PABIR2: variants seen among roughly 807,000 people sequenced by gnomAD.
PABIR2 encodes the protein PABIR family member 2.
A neutral mutation model predicts 22.8 loss-of-function variants in PABIR2; 7 were observed. That is an observed-to-expected ratio of 0.31 (90% CI 0.17 to 0.58). The LOEUF (loss-of-function observed/expected upper bound fraction) is 0.58, where lower values mean the gene tolerates loss of function less well. Among genes scored for constraint, PABIR2 ranks in the 20% least tolerant of loss-of-function variants. The pLI, the probability that PABIR2 is intolerant of heterozygous loss-of-function variation, is 0.89. For missense variants in PABIR2, 155 were observed against 205.1 expected, an observed-to-expected ratio of 0.76 and a Z score of 1.49; for synonymous variants, 67 against 73.8, an observed-to-expected ratio of 0.91 and a Z score of 0.47.
rs1569431524 is a variant in PABIR2 at position 134,789,101 on chromosome X, T to A, written c.317A>T (p.Asp106Val). 8.3e-7 allele frequency: 1 copy of A among 1,211,985 alleles called. No homozygotes were observed. The highest frequency in any genetic ancestry group is 1.1e-6 in the Non-Finnish European group (1 of 895,563). Residue 106 changes from aspartate to valine, a missense_variant, in exon 5 of 10, where the codon GAT becomes GTT. By Grantham distance (152) the Asp-to-Val change is radical. Transcript: ENST00000343004. ...QTAMQISQSWDESLSLSDSDF... is the reference protein window; with the variant it reads ...QTAMQISQSWVESLSLSDSDF... ...AAACTTTACCAGGCTCAAGCTCTCA[T>A]CCCATGATTGGCTTATCTGCATTGC...
chrX:134,789,191 T>C, intron 4 of PABIR2, 32 bp downstream of exon 4: 1 of 1,212,113 alleles, frequency 8.3e-7, no homozygotes, highest in Non-Finnish European at 1.1e-6. Flanking sequence ...AGACACTTAT[T>C]AGGCTAGGCC....
Position 134,781,811 on chromosome X carries a change from AT to A in PABIR2, c.659+9del, listed in dbSNP as rs771524036. 1.7e-6 allele frequency: 2 copies of A among 1,163,233 alleles called. No individual in the cohort carries two copies. The highest frequency in any genetic ancestry group is 2.3e-6 in the Non-Finnish European group (2 of 864,719). On this transcript the variant is annotated intron_variant, in intron 9 of 9. Transcript: ENST00000343004. The stretch of plus-strand genomic sequence containing the variant: ...TCTAATATACTTTTCATTTTATTTC[AT>A]TTTTTTACCATGAACTGAGATCAGA...
In PABIR2 at chrX:134,796,321, G is replaced by A; in HGVS notation, c.-116C>T. ...TGGGGACTGGCAGCTGGGGGCGGGG[G>A]CTAAGGGGCGGAGGCTTGGGGACGG... On this transcript the variant is annotated 5_prime_UTR_variant, in exon 1 of 10. Transcript: ENST00000343004. The A allele has an allele frequency of 5.6e-6, 1 of 178,540 alleles. No homozygotes were observed. Among genetic ancestry groups the A allele is most frequent in the Admixed American group, 5.6e-5 (1 of 17,907 alleles). 14.7% of individuals were successfully genotyped at this position (178,540 alleles called of 1,213,427 possible).
Position 134,796,863 on chromosome X carries a change from G to A in PABIR2, c.-658C>T, listed in dbSNP as rs1409070308. 1.8e-5 allele frequency: 2 copies of A among 112,059 alleles called. No individual in the cohort carries two copies. Among genetic ancestry groups the A allele is most frequent in the Non-Finnish European group, 3.8e-5 (2 of 53,043 alleles). The allele number at this position is 112,059 out of a possible 1,213,427, so 9.2% of individuals were successfully genotyped here. A position where few individuals can be genotyped will look rare whatever the true frequency, so the allele number is the denominator to read the frequency against. On this transcript the variant is annotated 5_prime_UTR_variant, in exon 1 of 10. Transcript: ENST00000343004. ...CGCTAGCACCGAGGACCTGACAGTC[G>A]GGTAGGACCCGGCCGGGCGGCCTTG... is the stretch of plus-strand genomic sequence containing the variant.
At chrX:134,787,596 C>A in intron 6 of PABIR2, 63 bp from the exon 7 acceptor site, 12 of 739,519 alleles carry the variant, frequency 1.6e-5, no homozygotes, top group Non-Finnish European at 1.8e-5. Flanking sequence ...AGTTCTAGCA[C>A]TCCAGTTTTC....
intron 2 of PABIR2, chrX:134,791,536 T>C: frequency 3.5e-6 from 1 of 285,227 alleles, no homozygotes; most frequent in Admixed American, 4.2e-5. Flanking sequence ...CTGGAGAAGG[T>C]GGAAAGAAGA....
chrX:134,786,906 A>G (rs2079338348), intron 7 of PABIR2, among the ~76,000 whole-genome samples: 1 of 110,903 alleles, frequency 9.0e-6, no homozygotes, highest in Admixed American at 9.6e-5. Flanking sequence ...AGCTGAGATC[A>G]CACTACTGCA....
intron 9 of PABIR2, among the ~76,000 whole-genome samples, chrX:134,772,669 C>T (rs1278887776): frequency 9.0e-6 from 1 of 111,219 alleles, no homozygotes; most frequent in Non-Finnish European, 1.9e-5. Context: ...GGTAACCATA[C>T]TCGGACTATC....
intron 9 of PABIR2, among the ~76,000 whole-genome samples, chrX:134,772,930 T>G (rs1317693884): frequency 8.9e-6 from 1 of 111,968 alleles, no homozygotes. Context: ...ATTCTCCAGT[T>G]AAGCTTCTAC....
chrX:134,795,283 T>C (rs1004458166), intron 1 of PABIR2, among the ~76,000 whole-genome samples: 10 of 112,081 alleles, frequency 8.9e-5, no homozygotes, highest in African/African-American at 2.6e-4. Flanking sequence ...TTTTGGCTAA[T>C]TGTACTCTCA....
intron 9 of PABIR2, among the ~76,000 whole-genome samples, chrX:134,774,362 C>T (rs372236232): frequency 9.0e-6 from 1 of 111,647 alleles, no homozygotes; most frequent in South Asian, 3.8e-4. Context: ...ACATATTGGC[C>T]GGGCAAACGA....
Position 134,771,204 on chromosome X carries a change from G to T in PABIR2, c.*935C>A. 3 of 893,541 alleles carry T rather than the reference G, an allele frequency of 3.4e-6. No homozygotes were observed. The highest frequency in any genetic ancestry group is 4.5e-6 in the Non-Finnish European group (3 of 671,438). The allele number at this position is 893,541 out of a possible 1,213,427, so 73.6% of individuals were successfully genotyped here. On this transcript the variant is annotated 3_prime_UTR_variant, in exon 10 of 10. Transcript: ENST00000343004. ...TTATAGCATGACAATGTACCCCAAG[G>T]CACCTGAGGCCTCATAATACCACTC... is the stretch of plus-strand genomic sequence containing the variant.
At chrX:134,779,759 T>G (rs973508478) in intron 9 of PABIR2, among the ~76,000 whole-genome samples, 5 of 112,885 alleles carry the variant, frequency 4.4e-5, no homozygotes, top group African/African-American at 1.3e-4. Flanking sequence ...AATGCTGTCA[T>G]ATCTTTTACT....
Position 134,771,063 on chromosome X carries a change from C to A in PABIR2, c.*1076G>T. 9.5e-6 allele frequency: 3 copies of A among 314,372 alleles called. No individual in the cohort carries two copies. Among genetic ancestry groups the A allele is most frequent in the Non-Finnish European group, 1.7e-5 (3 of 181,256 alleles). 25.9% of individuals were successfully genotyped at this position (314,372 alleles called of 1,213,427 possible). On this transcript the variant is annotated 3_prime_UTR_variant, in exon 10 of 10. Transcript: ENST00000343004. ...AACTAAAACACCATTCACCACATGA[C>A]AAAACAAACAAATCCAATGACAAAA...
Position 134,769,580 on chromosome X carries a change from G to A in PABIR2, c.*2559C>T, listed in dbSNP as rs2078808005. 1 of 111,915 alleles carries A rather than the reference G, an allele frequency of 8.9e-6. No individual in the cohort carries two copies. The highest frequency in any genetic ancestry group is 1.9e-5 in the Non-Finnish European group (1 of 53,226). The allele number at this position is 111,915 out of a possible 1,213,427, so 9.2% of individuals were successfully genotyped here. On this transcript the variant is annotated 3_prime_UTR_variant, in exon 10 of 10. Coordinates refer to ENST00000343004, the MANE Select transcript of PABIR2 (RefSeq NM_001387468.1). ...TAAAACACTAGTAAATTTTATGCATGTATACACACTTTATTAAATTTGCAT... is the reference window on the plus strand; with the variant it reads ...TAAAACACTAGTAAATTTTATGCATATATACACACTTTATTAAATTTGCAT...
At chrX:134,794,848 C>A (rs2079678653) in intron 1 of PABIR2, among the ~76,000 whole-genome samples, 1 of 111,558 alleles carries the variant, frequency 9.0e-6, no homozygotes. Flanking sequence ...TTAAATGACT[C>A]ATTCGTGATC....
chrX:134,784,819 T>C (rs1367950147), intron 8 of PABIR2, among the ~76,000 whole-genome samples: 1 of 111,126 alleles, frequency 9.0e-6, no homozygotes, highest in Non-Finnish European at 1.9e-5. Flanking sequence ...AACACTAGTG[T>C]TGACTGATAC....
Position 134,770,175 on chromosome X carries a change from T to A in PABIR2, c.*1964A>T, listed in dbSNP as rs184000590. On this transcript the variant is annotated 3_prime_UTR_variant, in exon 10 of 10. Transcript: ENST00000343004. ...AAAGAAGACAGTAGGTGGATAAATA[T>A]CCTGAAAGACAAAACCATCTATTAT... The A allele has an allele frequency of 3.6e-5, 4 of 112,396 alleles. No homozygotes were observed. Among genetic ancestry groups the A allele is most frequent in the Non-Finnish European group, 7.5e-5 (4 of 53,213 alleles). The allele number at this position is 112,396 out of a possible 1,213,427, so 9.3% of individuals were successfully genotyped here. A position where few individuals can be genotyped will look rare whatever the true frequency, so the allele number is the denominator to read the frequency against.
chrX:134,774,523 G>A (rs1352577937), intron 9 of PABIR2, among the ~76,000 whole-genome samples: 1 of 110,519 alleles, frequency 9.0e-6, no homozygotes, highest in Non-Finnish European at 1.9e-5. Flanking sequence ...TTTGTAATAA[G>A]GCCTGCTTGC....
Sources: gnomAD v4.1 joint callset for allele counts (sites outside exome capture counted in the v4.1 genomes callset) on GRCh38, gnomAD v4.1.1 for gene constraint, MANE v1.5 for transcripts, NCBI Gene and HGNC (gene_info 2026-07-23, HGNC 2026-07-21) for gene names.